Variants in GOLGA4 observed in about 807,000 individuals in gnomAD.
GOLGA4 encodes golgin subfamily A member 4.
In GOLGA4, 169 loss-of-function variants were observed where a neutral mutation model predicts 265.9. The ratio of observed to expected loss-of-function variants is 0.64; its 90% CI spans 0.56 to 0.72. The LOEUF (loss-of-function observed/expected upper bound fraction) is 0.72, where lower values mean the gene tolerates loss of function less well. Ranked by LOEUF, GOLGA4 falls within the 30% of genes least tolerant of loss-of-function variation. The probability of loss-of-function intolerance (pLI) is 0.00; values close to 1 mark genes in which losing one functional copy is unlikely to be tolerated. For missense variants in GOLGA4, 2,482 were observed against 2,483.4 expected (o/e 1.00, Z 0.01); for synonymous variants, 923 against 855.8 (o/e 1.08, Z -1.37).
chr3:37,299,429 T>C, intron 9 of GOLGA4, 58 bp downstream of exon 9: 1 of 883,510 alleles, frequency 1.1e-6, no homozygotes, highest in Admixed American at 2.3e-5. Flanking sequence ...CATTTACTTT[T>C]GGAAACAGTT....
intron 22 of GOLGA4, among the ~76,000 whole-genome samples, chr3:37,358,206 A>G (rs1432182032): frequency 1.3e-5 from 2 of 152,086 alleles, no homozygotes; most frequent in Non-Finnish European, 2.9e-5. Flanking sequence ...TACATTCTAA[A>G]ATTTTTGCTT....
intron 7 of GOLGA4, 116 bp downstream of exon 7, chr3:37,296,335 C>T (rs1212729642): frequency 9.9e-7 from 1 of 1,009,836 alleles, no homozygotes; most frequent in African/African-American, 1.6e-5. Context: ...CGCTTGAGTT[C>T]AGGAGTTTGA....
At chr3:37,261,808 C>T (rs1206371719) in intron 2 of GOLGA4, among the ~76,000 whole-genome samples, 2 of 151,976 alleles carry the variant, frequency 1.3e-5, no homozygotes, top group African/African-American at 4.8e-5. Context: ...GCCTCATGAC[C>T]AAGAATCGAA....
chr3:37,332,247 A>C (rs1030568867), intron 16 of GOLGA4, among the ~76,000 whole-genome samples: 1 of 152,202 alleles, frequency 6.6e-6, no homozygotes, highest in Non-Finnish European at 1.5e-5. Context: ...TCCTTTGTAC[A>C]TGCTTTTCTG....
At chr3:37,319,710 G>T (rs1041412544) in intron 12 of GOLGA4, 2 of 152,150 alleles carry the variant, frequency 1.3e-5, no homozygotes, top group African/African-American at 2.4e-5. Flanking sequence ...AAGCCACCGC[G>T]CTTGGCCACA....
chr3:37,308,701 C>T lies in GOLGA4; in HGVS notation c.1234+6369C>T, dbSNP rs565525272. Among the ~76,000 whole-genome samples the T allele has an allele frequency of 4.6e-4, 70 of 151,138 alleles. 2 individuals are homozygous for T. In the East Asian group the frequency reaches 0.013, roughly 28 times the overall value. Reference sequence around the variant, plus strand: ...TGTGATCTCGGCTCACTGCAACGTCCGCCTCCTGGGTTCAAGCAATTCTCC... The same window carrying T: ...TGTGATCTCGGCTCACTGCAACGTCTGCCTCCTGGGTTCAAGCAATTCTCC... On this transcript the variant is annotated intron_variant, in intron 10 of 23. Transcript: ENST00000361924.
intron 20 of GOLGA4, among the ~76,000 whole-genome samples, chr3:37,346,744 G>A (rs770733179): frequency 6.6e-6 from 1 of 152,176 alleles, no homozygotes; most frequent in Non-Finnish European, 1.5e-5. Flanking sequence ...ATTGTCATCT[G>A]TAGTGCTTGT....
At chr3:37,245,755 A>G (rs549886607) in intron 1 of GOLGA4, among the ~76,000 whole-genome samples, 2 of 152,108 alleles carry the variant, frequency 1.3e-5, no homozygotes, top group Admixed American at 6.5e-5. Context: ...GATTATATGT[A>G]TATTCACTAT....
At chr3:37,262,992 C>G (rs1478665934) in intron 2 of GOLGA4, among the ~76,000 whole-genome samples, 6 of 152,222 alleles carry the variant, frequency 3.9e-5, no homozygotes, top group African/African-American at 1.4e-4. Context: ...TGTCCTAGGA[C>G]TTCACCTTCA....
At chr3:37,359,194 G>C (rs1209070070) in intron 22 of GOLGA4, among the ~76,000 whole-genome samples, 1 of 152,136 alleles carries the variant, frequency 6.6e-6, no homozygotes, top group Non-Finnish European at 1.5e-5. Context: ...GATGGCCAGA[G>C]TAGACTGGAT....
At chr3:37,298,335 A>G (rs1440583442) in intron 7 of GOLGA4, among the ~76,000 whole-genome samples, 1 of 152,184 alleles carries the variant, frequency 6.6e-6, no homozygotes, top group East Asian at 1.9e-4. Context: ...AGATGATATC[A>G]TAGGGAATCA....
chr3:37,365,815 T>G (rs1012064364), intron 23 of GOLGA4, among the ~76,000 whole-genome samples: 1 of 151,346 alleles, frequency 6.6e-6, no homozygotes, highest in East Asian at 1.9e-4. Context: ...TTTTTTTTTT[T>G]CAGAATGGGG....
At chr3:37,299,048 A>AC in intron 8 of GOLGA4, 28 bp downstream of exon 8, 1 of 1,529,058 alleles carries the variant, frequency 6.5e-7, no homozygotes, top group Non-Finnish European at 8.8e-7. Flanking sequence ...TTTTGTTCTA[A>AC]TTTAATCTAT....
chr3:37,314,676 C>CACACACACACACAA (rs2096932559), intron 10 of GOLGA4, among the ~76,000 whole-genome samples: 1 of 150,310 alleles, frequency 6.7e-6, no homozygotes, highest in Non-Finnish European at 1.5e-5. Context: ...CACACACACA[C>CACACACACACACAA]ACACACGAAA....
chr3:37,363,427 AC>A (rs545560064), intron 23 of GOLGA4, among the ~76,000 whole-genome samples: 121 of 152,298 alleles, frequency 7.9e-4, no homozygotes, highest in African/African-American at 2.8e-3. Context: ...TGTCTCCTCA[AC>A]TTTTAGTTTG....
Position 37,302,408 on chromosome 3 carries a change from A to G in GOLGA4, c.1234+76A>G, listed in dbSNP as rs570965282. 2.6e-4 allele frequency: 333 copies of G among 1,257,610 alleles called. 3 individuals carry two copies. Among genetic ancestry groups the G allele is most frequent in the South Asian group, 1.4e-3 (106 of 73,568 alleles). The allele number at this position is 1,257,610 out of a possible 1,614,324, so 77.9% of individuals were successfully genotyped here. The stretch of plus-strand genomic sequence containing the variant: ...AAGTGCTTGACCAGTATTTTTAAAA[A>G]TGAGTTAAATATTGATAAAAATTCT... On this transcript the variant is annotated intron_variant, in intron 10 of 23. Transcript: ENST00000361924.
chr3:37,324,937 A>G lies in GOLGA4; in HGVS notation c.3051A>G (p.Ala1017=). Residue 1017 remains alanine (A), a synonymous_variant, in exon 14 of 24, where the codon GCA becomes GCG. Coordinates refer to ENST00000361924, the MANE Select transcript of GOLGA4 (RefSeq NM_002078.5). Reference sequence around the variant, plus strand: ...CTAACTCAGCTGGAATCAGTGATGCAGTGTCAAGACTGGAAACAAACCAAA... The same window carrying G: ...CTAACTCAGCTGGAATCAGTGATGCGGTGTCAAGACTGGAAACAAACCAAA... ...AQANSAGISD[A]VSRLETNQKE... 1 of 1,612,930 alleles carries G rather than the reference A, an allele frequency of 6.2e-7. No homozygotes were observed.
At chr3:37,358,628 C>T (rs952472933) in intron 22 of GOLGA4, among the ~76,000 whole-genome samples, 3 of 152,092 alleles carry the variant, frequency 2.0e-5, no homozygotes, top group Admixed American at 6.5e-5. Flanking sequence ...CAGTTGCCTG[C>T]GCTGAGTGAT....
intron 5 of GOLGA4, 119 bp from the exon 6 acceptor site, chr3:37,294,857 AATT>A: frequency 6.7e-6 from 4 of 598,408 alleles, no homozygotes; most frequent in Non-Finnish European, 1.2e-5. Context: ...ATTATTCTCT[AATT>A]ATTGTTGCTG....
Sources: gnomAD v4.1 joint callset for allele counts (sites outside exome capture counted in the v4.1 genomes callset) on GRCh38, gnomAD v4.1.1 for gene constraint, MANE v1.5 for transcripts, NCBI Gene and HGNC (gene_info 2026-07-23, HGNC 2026-07-21) for gene names.